DLG2: variants seen among roughly 807,000 people sequenced by gnomAD.
DLG2 encodes discs large MAGUK scaffold protein 2, also known as disks large homolog 2.
In DLG2, 45 loss-of-function variants were observed where a neutral mutation model predicts 132.5. The ratio of observed to expected loss-of-function variants is 0.34; its 90% CI spans 0.27 to 0.44. The LOEUF is 0.44. Among genes scored for constraint, DLG2 ranks in the 20% least tolerant of loss-of-function variants. DLG2 has a pLI of 1.00. For missense variants in DLG2, 1,045 were observed against 1,196.9 expected (o/e 0.87, Z 1.87); for synonymous variants, 424 against 419.6 (o/e 1.01, Z -0.13).
Position 84,550,113 on chromosome 11 carries a change from TATACAC to T in DLG2, c.358-15388_358-15383del, listed in dbSNP as rs1306334603. 2.4e-5 allele frequency among the ~76,000 whole-genome samples: 3 copies of T among 125,860 alleles called. No individual in the cohort carries two copies. The East Asian group carries it at 7.0e-4, about 29-fold the overall frequency. The allele number at this position is 125,860 out of a possible 152,430, so 82.6% of individuals were successfully genotyped here. On this transcript the variant is annotated intron_variant, in intron 6 of 27. Coordinates refer to ENST00000376104, the MANE Select transcript of DLG2 (RefSeq NM_001142699.3). ...CTTTCCAAGTATTGTAAAACGAGCCTATACACACACACACACACACACACACACACA... is the reference window on the plus strand; with the variant it reads ...CTTTCCAAGTATTGTAAAACGAGCCTACACACACACACACACACACACACA...
At chr11:84,925,573 A>G (rs1409668287) in intron 6 of DLG2, among the ~76,000 whole-genome samples, 1 of 152,188 alleles carries the variant, frequency 6.6e-6, no homozygotes, top group Non-Finnish European at 1.5e-5. Context: ...GTCCCACTAA[A>G]GAATATTCCA....
At position 84,870,472 on chromosome 11, in the gene DLG2, G is replaced by A. The variant is rs983649979; in HGVS notation, c.357+241189C>T. ...GCCTGTTATGGTTCCTTTCCTCCCCGATTAATAGGATTATGAGAGAATGAC... is the reference window on the plus strand; with the variant it reads ...GCCTGTTATGGTTCCTTTCCTCCCCAATTAATAGGATTATGAGAGAATGAC... On this transcript the variant is annotated intron_variant, in intron 6 of 27. Coordinates refer to ENST00000376104, the MANE Select transcript of DLG2 (RefSeq NM_001142699.3). Among the ~76,000 whole-genome samples the A allele has an allele frequency of 6.6e-5, 10 of 152,200 alleles. No individual in the cohort carries two copies. In the South Asian group the frequency reaches 8.3e-4, roughly 13 times the overall value.
intron 18 of DLG2, among the ~76,000 whole-genome samples, chr11:83,717,228 G>A (rs1290443333): frequency 2.0e-5 from 3 of 151,862 alleles, no homozygotes; most frequent in Admixed American, 1.3e-4. Context: ...CCTAAAAAAC[G>A]ACCACCAATA....
intron 3 of DLG2, among the ~76,000 whole-genome samples, chr11:85,450,626 T>C (rs1240819113): frequency 6.6e-6 from 1 of 152,204 alleles, no homozygotes; most frequent in Admixed American, 6.5e-5. Context: ...GGACATTTTA[T>C]CTGCAATTTT....
At chr11:85,077,144 T>A (rs965938088) in intron 6 of DLG2, among the ~76,000 whole-genome samples, 1 of 151,998 alleles carries the variant, frequency 6.6e-6, no homozygotes, top group Non-Finnish European at 1.5e-5. Context: ...GATTTTTGAC[T>A]GCATGAGTAA....
chr11:85,326,163 G>A (rs1441688542), intron 3 of DLG2, among the ~76,000 whole-genome samples: 1 of 59,354 alleles, frequency 1.7e-5, no homozygotes, highest in Admixed American at 2.0e-4. Flanking sequence ...ACCTGAAAGT[G>A]ATGTGGAGAA....
chr11:85,065,520 A>G (rs1011838242), intron 6 of DLG2, among the ~76,000 whole-genome samples: 2 of 151,388 alleles, frequency 1.3e-5, no homozygotes, highest in African/African-American at 2.4e-5. Flanking sequence ...ACCAGGTTTC[A>G]CAATCTACAT....
At chr11:85,549,591 G>T (rs2076545410) in intron 3 of DLG2, among the ~76,000 whole-genome samples, 1 of 152,176 alleles carries the variant, frequency 6.6e-6, no homozygotes, top group African/African-American at 2.4e-5. Context: ...TAGGGGCTAG[G>T]TAAAATAAGA....
chr11:84,957,530 C>T (rs577169642), intron 6 of DLG2, among the ~76,000 whole-genome samples: 1 of 152,192 alleles, frequency 6.6e-6, no homozygotes, highest in Non-Finnish European at 1.5e-5. Flanking sequence ...GAGGCCAGTT[C>T]TTTTGAGGCC....
intron 6 of DLG2, among the ~76,000 whole-genome samples, chr11:84,739,528 A>C (rs980140082): frequency 6.6e-6 from 1 of 152,210 alleles, no homozygotes; most frequent in African/African-American, 2.4e-5. Context: ...AAAATATTTT[A>C]TATCACTAGG....
chr11:83,989,524 C>T (rs1592499128), intron 11 of DLG2, among the ~76,000 whole-genome samples: 1 of 152,132 alleles, frequency 6.6e-6, no homozygotes. Context: ...GCATGACTTA[C>T]TTCTTAGAGG....
chr11:85,153,217 C>T lies in DLG2; in HGVS notation c.282+1339G>A, dbSNP rs1320552375. Among the ~76,000 whole-genome samples, 7 of 152,178 alleles carry T rather than the reference C, an allele frequency of 4.6e-5. No individual in the cohort carries two copies. In the South Asian group the frequency reaches 1.4e-3, roughly 32 times the overall value. On this transcript the variant is annotated intron_variant, in intron 5 of 27. Transcript: ENST00000376104. The stretch of plus-strand genomic sequence containing the variant: ...ATAGAGCCAAGATACAAATCCTGGT[C>T]TCTGACTTTGGATCTTTTGTTCATT...
At chr11:85,220,194 A>C (rs2074541748) in intron 4 of DLG2, among the ~76,000 whole-genome samples, 1 of 152,126 alleles carries the variant, frequency 6.6e-6, no homozygotes, top group African/African-American at 2.4e-5. Context: ...AATTTTGGTA[A>C]CTTCAGTGGA....
chr11:84,817,090 A>G (rs1203363702), intron 6 of DLG2, among the ~76,000 whole-genome samples: 1 of 152,016 alleles, frequency 6.6e-6, no homozygotes, highest in African/African-American at 2.4e-5. Context: ...CCATGCAAAC[A>G]TGAGTTTCGC....
At chr11:84,154,676 G>A (rs374434471) in intron 9 of DLG2, among the ~76,000 whole-genome samples, 1 of 151,918 alleles carries the variant, frequency 6.6e-6, no homozygotes, top group Non-Finnish European at 1.5e-5. Flanking sequence ...AGGCCCTGGT[G>A]TGTGATGTTC....
chr11:84,910,278 C>A (rs1402041028), intron 6 of DLG2, among the ~76,000 whole-genome samples: 1 of 152,080 alleles, frequency 6.6e-6, no homozygotes, highest in African/African-American at 2.4e-5. Context: ...ATGTTTTAGG[C>A]CTAAGGGAAA....
chr11:84,540,322 A>G (rs1358873823), intron 6 of DLG2, among the ~76,000 whole-genome samples: 1 of 151,786 alleles, frequency 6.6e-6, no homozygotes, highest in Non-Finnish European at 1.5e-5. Context: ...CAGAATCCAC[A>G]AAGAACTTAA....
intron 8 of DLG2, among the ~76,000 whole-genome samples, chr11:84,203,621 C>A (rs1325222232): frequency 1.3e-5 from 2 of 148,818 alleles, no homozygotes; most frequent in African/African-American, 4.9e-5. Context: ...ATATCCTTTG[C>A]AGCAGGGACA....
chr11:83,726,748 A>AAAACAAACAAACAAAC (rs60924473), intron 18 of DLG2, among the ~76,000 whole-genome samples: 6 of 150,192 alleles, frequency 4.0e-5, no homozygotes, highest in Admixed American at 2.7e-4. Flanking sequence ...GATCTGCCTG[A>AAAACAAACAAACAAAC]AAACAAACAA....
Sources: gnomAD v4.1 joint callset for allele counts (sites outside exome capture counted in the v4.1 genomes callset) on GRCh38, gnomAD v4.1.1 for gene constraint, MANE v1.5 for transcripts, NCBI Gene and HGNC (gene_info 2026-07-23, HGNC 2026-07-21) for gene names.